Variants in ZNF362 observed in about 807,000 individuals in gnomAD.
ZNF362 encodes the protein rotund homolog.
ZNF362 carries 11 observed loss-of-function variants against 42.9 expected under a neutral mutation model. The observed-to-expected ratio is 0.26, with a 90% CI of 0.16 to 0.42. The LOEUF is 0.42. Ranked by LOEUF, ZNF362 falls within the 20% of genes least tolerant of loss-of-function variation. The probability of loss-of-function intolerance (pLI) is 1.00; values close to 1 mark genes in which losing one functional copy is unlikely to be tolerated. For missense variants in ZNF362, 362 were observed against 576.2 expected (o/e 0.63, Z 3.81); for synonymous variants, 255 against 257.3 (o/e 0.99, Z 0.09).
the ZNF362 span, among the ~76,000 whole-genome samples, chr1:33,154,341 AC>A: frequency 6.6e-6 from 1 of 152,126 alleles, no homozygotes; most frequent in East Asian, 1.9e-4. Flanking sequence ...CTCAGCTGCC[AC>A]CTGCTCCATG....
At chr1:33,202,428 C>T in the ZNF362 span, among the ~76,000 whole-genome samples, 2 of 151,952 alleles carry the variant, frequency 1.3e-5, no homozygotes, top group African/African-American at 4.8e-5. Flanking sequence ...AACCCTGTCT[C>T]TACTAAAAAT....
At chr1:33,198,439 G>A in the ZNF362 span, among the ~76,000 whole-genome samples, 5 of 152,202 alleles carry the variant, frequency 3.3e-5, no homozygotes, top group African/African-American at 1.2e-4. Flanking sequence ...GCCAAGGTGG[G>A]CAGATTGTTT....
chr1:33,274,338 A>C (rs1645926943), intron 2 of ZNF362, among the ~76,000 whole-genome samples: 1 of 152,236 alleles, frequency 6.6e-6, no homozygotes, highest in African/African-American at 2.4e-5. Context: ...GAATGATAAG[A>C]GTACCTACCT....
the ZNF362 span, among the ~76,000 whole-genome samples, chr1:33,227,336 C>A: frequency 1.3e-5 from 2 of 152,078 alleles, no homozygotes; most frequent in African/African-American, 2.4e-5. Context: ...TGGAAGTGAC[C>A]CTCTGTGACT....
rs114182770 is a variant in ZNF362, at chr1:33,298,570, C to T, written c.1147-360C>T. Among the ~76,000 whole-genome samples, 513 of 152,364 alleles carry T rather than the reference C, an allele frequency of 3.4e-3. 2 individuals are homozygous for T. Among genetic ancestry groups the T allele is most frequent in the African/African-American group, 0.012 (481 of 41,580 alleles). ...GCTAGGCTCAGACCCAGTCCTGCTG[C>T]CTCACTGTCACTGGGATCACCAGCC... On this transcript the variant is annotated intron_variant, in intron 8 of 8. Transcript: ENST00000539719.
At chr1:33,174,217 G>A in the ZNF362 span, among the ~76,000 whole-genome samples, 1 of 150,754 alleles carries the variant, frequency 6.6e-6, no homozygotes, top group Non-Finnish European at 1.5e-5. Context: ...TCACTCTGTT[G>A]CCCAGGCTGG....
At chr1:33,150,622 G>A in the ZNF362 span, among the ~76,000 whole-genome samples, 1 of 152,214 alleles carries the variant, frequency 6.6e-6, no homozygotes, top group East Asian at 1.9e-4. Flanking sequence ...CGGCCACTGA[G>A]TTGGTGGCTG....
chr1:33,194,263 C>T, the ZNF362 span, among the ~76,000 whole-genome samples: 2 of 151,998 alleles, frequency 1.3e-5, no homozygotes, highest in East Asian at 1.9e-4. Context: ...GGGCTGGGCA[C>T]GGTGGCTCAC....
the ZNF362 span, among the ~76,000 whole-genome samples, chr1:33,221,088 TG>T: frequency 1.3e-5 from 2 of 152,008 alleles, no homozygotes; most frequent in African/African-American, 2.4e-5. Context: ...AGGGTGGTGC[TG>T]GGGGGCGGGG....
intron 8 of ZNF362, 67 bp downstream of exon 8, chr1:33,295,372 C>T: frequency 3.8e-6 from 6 of 1,559,480 alleles, no homozygotes; most frequent in Non-Finnish European, 5.2e-6. Flanking sequence ...TCAGTTGCTT[C>T]CCCATTGTCA....
chr1:33,230,216 C>T, the ZNF362 span, among the ~76,000 whole-genome samples: 1 of 152,118 alleles, frequency 6.6e-6, no homozygotes, highest in African/African-American at 2.4e-5. Context: ...GGTGTTAATA[C>T]CCACCTCATT....
At chr1:33,189,199 C>T in the ZNF362 span, among the ~76,000 whole-genome samples, 5 of 152,160 alleles carry the variant, frequency 3.3e-5, no homozygotes, top group Non-Finnish European at 5.9e-5. Context: ...ATTGTGCCAA[C>T]CTGTCCATAA....
chr1:33,252,915 G>A (rs1231887474), upstream of ZNF362, among the ~76,000 whole-genome samples: 1 of 152,158 alleles, frequency 6.6e-6, no homozygotes, highest in Non-Finnish European at 1.5e-5. Flanking sequence ...TGGAGAGGAT[G>A]ACAGTGGGCT....
At chr1:33,269,434 T>A (rs376919030) in intron 1 of ZNF362, among the ~76,000 whole-genome samples, 2 of 152,204 alleles carry the variant, frequency 1.3e-5, no homozygotes, top group South Asian at 4.1e-4. Context: ...CGCAGGTTTT[T>A]ATTTTTGCCT....
the ZNF362 span, among the ~76,000 whole-genome samples, chr1:33,193,004 C>CACATATATAT: frequency 7.3e-6 from 1 of 137,200 alleles, no homozygotes; most frequent in East Asian, 2.2e-4. Flanking sequence ...CACACACACA[C>CACATATATAT]ATATATATAT....
chr1:33,207,200 G>GT, the ZNF362 span, among the ~76,000 whole-genome samples: 2 of 151,736 alleles, frequency 1.3e-5, no homozygotes, highest in Non-Finnish European at 2.9e-5. Context: ...AACATGCGGT[G>GT]TTTGGTTTTC....
At chr1:33,245,074 G>A in the ZNF362 span, among the ~76,000 whole-genome samples, 1 of 152,164 alleles carries the variant, frequency 6.6e-6, no homozygotes, top group African/African-American at 2.4e-5. Context: ...AATGAACCAG[G>A]TGTCAGGTGG....
At chr1:33,141,221 A>AC in the ZNF362 span, among the ~76,000 whole-genome samples, 1 of 149,578 alleles carries the variant, frequency 6.7e-6, no homozygotes, top group Non-Finnish European at 1.5e-5. Context: ...GCCCTCTTGT[A>AC]CCCCCGCAGA....
chr1:33,235,550 C>T, the ZNF362 span, among the ~76,000 whole-genome samples: 1 of 152,220 alleles, frequency 6.6e-6, no homozygotes, highest in Non-Finnish European at 1.5e-5. Context: ...TGCTAAAGCA[C>T]AGTAAGGCAG....
Sources: gnomAD v4.1 joint callset for allele counts (sites outside exome capture counted in the v4.1 genomes callset) on GRCh38, gnomAD v4.1.1 for gene constraint, MANE v1.5 for transcripts, NCBI Gene and HGNC (gene_info 2026-07-23, HGNC 2026-07-21) for gene names.